The following MORN5 variants were observed in gnomAD, a reference collection of about 807,000 sequenced individuals.
The protein encoded by MORN5 is MORN repeat containing 5.
Under a neutral mutation model 22.1 loss-of-function variants are expected in MORN5, and 21 were observed. That is an observed-to-expected ratio of 0.95 (90% CI 0.67 to 1.37). The LOEUF (loss-of-function observed/expected upper bound fraction) is 1.37, where lower values mean the gene tolerates loss of function less well. Among genes scored for constraint, MORN5 ranks in the 40% most tolerant of loss-of-function variants. The probability of loss-of-function intolerance (pLI) is 0.00; values close to 1 mark genes in which losing one functional copy is unlikely to be tolerated. For synonymous variants in MORN5, 73 were observed against 74.0 expected (o/e 0.99, Z 0.07); for missense variants, 211 against 215.1 (o/e 0.98, Z 0.12).
chr9:122,164,448 A>G (rs1380700615), intron 1 of MORN5: 1 of 350,324 alleles, frequency 2.9e-6, no homozygotes, highest in Non-Finnish European at 4.0e-6. Flanking sequence ...TTGGCAGCTG[A>G]TTGGCTCCAG....
In MORN5 at chr9:122,191,143, C is replaced by T. The variant is rs117400183; in HGVS notation, c.440-8742C>T. ...TCTCTGTGGGTTGGAAGTGCCTCTG[C>T]TCTCTGCACGTGATGACACACACTG... On this transcript the variant is annotated intron_variant, in intron 4 of 4. Transcript: ENST00000373764. Among the ~76,000 whole-genome samples the T allele has an allele frequency of 4.1e-3, 632 of 152,334 alleles. 10 individuals are homozygous for T. The highest frequency in any genetic ancestry group is 0.036 in the Admixed American group (558 of 15,304).
chr9:122,177,658 A>G (rs551705032), intron 4 of MORN5, among the ~76,000 whole-genome samples: 1 of 152,136 alleles, frequency 6.6e-6, no homozygotes, highest in South Asian at 2.1e-4. Context: ...GTCTTGAACT[A>G]CTGACCTCAG....
chr9:122,188,117 G>C (rs1588312472), intron 4 of MORN5, among the ~76,000 whole-genome samples: 1 of 152,186 alleles, frequency 6.6e-6, no homozygotes, highest in East Asian at 1.9e-4. Flanking sequence ...AAGGCAGAGG[G>C]ACCCAGTGTG....
intron 3 of MORN5, among the ~76,000 whole-genome samples, chr9:122,173,137 C>T (rs1829390411): frequency 6.6e-6 from 1 of 152,180 alleles, no homozygotes; most frequent in African/African-American, 2.4e-5. Context: ...ATTTCCCGAA[C>T]CTGCCTGGCT....
At chr9:122,163,658 C>T (rs1056696606) in intron 1 of MORN5, among the ~76,000 whole-genome samples, 1 of 152,040 alleles carries the variant, frequency 6.6e-6, no homozygotes, top group African/African-American at 2.4e-5. Flanking sequence ...TGGGTTGTGC[C>T]CAGAGGAGTT....
At chr9:122,164,542 A>C (rs980948677) in intron 1 of MORN5, 15 of 982,366 alleles carry the variant, frequency 1.5e-5, no homozygotes, top group Non-Finnish European at 1.7e-5. Flanking sequence ...ATTCATGGAA[A>C]TAGAGAACTC....
At chr9:122,168,495 T>A (rs1162057213) in intron 2 of MORN5, among the ~76,000 whole-genome samples, 1 of 152,186 alleles carries the variant, frequency 6.6e-6, no homozygotes, top group South Asian at 2.1e-4. Flanking sequence ...TAAGAAAGGC[T>A]CCTTGTTTTA....
At chr9:122,183,992 T>C (rs7856007) in intron 4 of MORN5, among the ~76,000 whole-genome samples, 16,841 of 152,124 alleles carry the variant, frequency 0.11, 1,069 homozygotes, top group East Asian at 0.18. Flanking sequence ...GGGGTGTGAA[T>C]TGGGGTCTGA....
chr9:122,191,281 C>T (rs870272), intron 4 of MORN5, among the ~76,000 whole-genome samples: 64,933 of 152,138 alleles, frequency 0.43, 17,518 homozygotes, highest in Non-Finnish European at 0.61. Flanking sequence ...CATCTCTTCA[C>T]GCTTATGCTG....
chr9:122,189,646 G>A (rs543918970), intron 4 of MORN5, among the ~76,000 whole-genome samples: 7 of 151,818 alleles, frequency 4.6e-5, no homozygotes, highest in East Asian at 1.9e-4. Flanking sequence ...TTGCTCTGTC[G>A]CCCAGGCTGG....
intron 4 of MORN5, among the ~76,000 whole-genome samples, chr9:122,178,754 C>A (rs1263829249): frequency 6.6e-6 from 1 of 152,172 alleles, no homozygotes; most frequent in African/African-American, 2.4e-5. Flanking sequence ...CCTGAAGGGT[C>A]CAAACCCTTA....
chr9:122,193,228 A>T (rs556861674), intron 4 of MORN5, among the ~76,000 whole-genome samples: 2 of 152,230 alleles, frequency 1.3e-5, no homozygotes, highest in African/African-American at 2.4e-5. Context: ...CTATGAACTT[A>T]TACATTTTTG....
chr9:122,196,197 A>T (rs1829886495), intron 4 of MORN5, among the ~76,000 whole-genome samples: 2 of 151,966 alleles, frequency 1.3e-5, no homozygotes, highest in Non-Finnish European at 2.9e-5. Flanking sequence ...AGGCTCAAGC[A>T]GTCTGTCCAC....
chr9:122,179,271 GT>G (rs1050513785), intron 4 of MORN5, among the ~76,000 whole-genome samples: 1 of 152,178 alleles, frequency 6.6e-6, no homozygotes, highest in African/African-American at 2.4e-5. Context: ...GAGGACAAAG[GT>G]TATGGTTGTC....
At chr9:122,188,000 G>C (rs1333849497) in intron 4 of MORN5, among the ~76,000 whole-genome samples, 3 of 152,172 alleles carry the variant, frequency 2.0e-5, no homozygotes, top group Admixed American at 1.3e-4. Context: ...GGGTGCTCCA[G>C]ATGGAGCAGC....
Position 122,164,177 on chromosome 9 carries a change from A to G in MORN5, c.48-2591A>G, listed in dbSNP as rs992274882. Among the ~76,000 whole-genome samples, 10 of 151,592 alleles carry G rather than the reference A, an allele frequency of 6.6e-5. No homozygotes were observed. The Admixed American group carries it at 6.6e-4, about 10-fold the overall frequency. On this transcript the variant is annotated intron_variant, in intron 1 of 4. Transcript: ENST00000373764. The stretch of plus-strand genomic sequence containing the variant: ...AAGGCAGGCTTTTCACCTTGAATGA[A>G]TTTTTTAAAATGGAAGAGAAGGAGG...
chr9:122,174,900 A>G (rs541826944), intron 4 of MORN5: 1 of 1,265,280 alleles, frequency 7.9e-7, no homozygotes. Flanking sequence ...TTTTGTATGC[A>G]TTCCTTCGAT....
At chr9:122,164,479 C>G (rs1829247779) in intron 1 of MORN5, 1 of 749,664 alleles carries the variant, frequency 1.3e-6, no homozygotes, top group Admixed American at 6.3e-5. Flanking sequence ...AGATGGCTTA[C>G]AGCCCCAGCC....
Position 122,166,798 on chromosome 9 carries a change from T to C in MORN5, c.78T>C (p.Pro26=). The change falls in exon 2 of 5, where the codon CCT becomes CCC. Residue 26 remains proline (P), a synonymous_variant. Coordinates refer to ENST00000373764, the MANE Select transcript of MORN5 (RefSeq NM_198469.4). ...RMEGKAKYIL[P]TETIYVGEMK... is the part of the protein sequence containing the mutation. ...AGGGCAAAGCCAAGTACATCCTCCCTACCGAAACAATATATGTTGGGGAAA... is the reference window on the plus strand; with the variant it reads ...AGGGCAAAGCCAAGTACATCCTCCCCACCGAAACAATATATGTTGGGGAAA... 1.2e-6 allele frequency: 2 copies of C among 1,613,800 alleles called. No homozygotes were observed. The highest frequency in any genetic ancestry group is 1.1e-5 in the South Asian group (1 of 91,028).
Sources: gnomAD v4.1 joint callset for allele counts (sites outside exome capture counted in the v4.1 genomes callset) on GRCh38, gnomAD v4.1.1 for gene constraint, MANE v1.5 for transcripts, NCBI Gene and HGNC (gene_info 2026-07-23, HGNC 2026-07-21) for gene names.